FRMD4A: variants seen among roughly 807,000 people sequenced by gnomAD.
FRMD4A encodes FERM domain-containing protein 4A.
In FRMD4A, 29 loss-of-function variants were observed where a neutral mutation model predicts 129.1. That is an observed-to-expected ratio of 0.22 (90% CI 0.17 to 0.31). The LOEUF is 0.31. Among genes scored for constraint, FRMD4A ranks in the 10% least tolerant of loss-of-function variants. FRMD4A has a pLI of 1.00. For missense variants in FRMD4A, 1,272 were observed against 1,375.8 expected (o/e 0.92, Z 1.19); for synonymous variants, 634 against 571.6 (o/e 1.11, Z -1.56).
chr10:14,121,339 G>A (rs1441318021), intron 2 of FRMD4A, among the ~76,000 whole-genome samples: 1 of 152,300 alleles, frequency 6.6e-6, no homozygotes, highest in African/African-American at 2.4e-5. Flanking sequence ...CTGCACTCCA[G>A]CCTGGGCAGC....
At chr10:14,274,497 C>A (rs745900045) in intron 2 of FRMD4A, among the ~76,000 whole-genome samples, 3 of 152,042 alleles carry the variant, frequency 2.0e-5, no homozygotes, top group Admixed American at 2.0e-4. Context: ...TAGGAGATCT[C>A]GAAACTTGGG....
At chr10:14,110,924 T>C (rs946070987) in intron 2 of FRMD4A, among the ~76,000 whole-genome samples, 1 of 152,200 alleles carries the variant, frequency 6.6e-6, no homozygotes, top group Non-Finnish European at 1.5e-5. Context: ...CTTGAATTCT[T>C]GGGCTCAAGC....
intron 2 of FRMD4A, among the ~76,000 whole-genome samples, chr10:14,058,013 T>C (rs989288799): frequency 6.6e-5 from 10 of 152,224 alleles, no homozygotes; most frequent in African/African-American, 2.4e-4. Context: ...AAGTAATATA[T>C]AGTTACATGC....
At chr10:13,858,039 T>C (rs2094237656) in intron 3 of FRMD4A, among the ~76,000 whole-genome samples, 1 of 152,176 alleles carries the variant, frequency 6.6e-6, no homozygotes. Context: ...GTGATGCCAA[T>C]GTCAACTCAT....
intron 3 of FRMD4A, among the ~76,000 whole-genome samples, chr10:13,830,106 G>A (rs987252353): frequency 1.1e-4 from 17 of 152,116 alleles, no homozygotes; most frequent in Admixed American, 2.0e-4. Context: ...AGGAGATAAC[G>A]CGCTTTACAT....
At chr10:13,657,788 G>GGTTTTTT (rs113852356) in intron 21 of FRMD4A, among the ~76,000 whole-genome samples, 3 of 143,334 alleles carry the variant, frequency 2.1e-5, no homozygotes, top group Non-Finnish European at 3.0e-5. Flanking sequence ...CGATTTCTGG[G>GGTTTTTT]TTTTTTTTTT....
At chr10:14,108,529 C>T (rs1837703755) in intron 2 of FRMD4A, among the ~76,000 whole-genome samples, 1 of 152,202 alleles carries the variant, frequency 6.6e-6, no homozygotes, top group African/African-American at 2.4e-5. Context: ...GTGTATACAG[C>T]TTCACTATTT....
At chr10:13,766,231 A>T (rs2092283624) in intron 6 of FRMD4A, among the ~76,000 whole-genome samples, 1 of 152,226 alleles carries the variant, frequency 6.6e-6, no homozygotes, top group Admixed American at 6.5e-5. Context: ...AAAAATATCC[A>T]CAGGAAAGCA....
chr10:13,787,163 C>T (rs978026864), intron 5 of FRMD4A, among the ~76,000 whole-genome samples: 3 of 152,186 alleles, frequency 2.0e-5, no homozygotes, highest in Admixed American at 6.5e-5. Flanking sequence ...CACCTCCTCT[C>T]GACGGAAGTG....
At chr10:13,973,867 AT>A (rs1279009945) in intron 2 of FRMD4A, among the ~76,000 whole-genome samples, 1 of 146,730 alleles carries the variant, frequency 6.8e-6, no homozygotes, top group African/African-American at 2.7e-5. Flanking sequence ...AGCTAACTGC[AT>A]TGGTATTTTC....
At chr10:13,924,410 C>CT (rs71505010) in intron 2 of FRMD4A, among the ~76,000 whole-genome samples, 94,554 of 147,344 alleles carry the variant, frequency 0.64, 31,052 homozygotes, top group East Asian at 0.96. Context: ...CTTCTCGTTC[C>CT]TTTTTTTTTT....
chr10:14,261,945 C>CACACAA (rs1844817719), intron 2 of FRMD4A, among the ~76,000 whole-genome samples: 1 of 76,844 alleles, frequency 1.3e-5, no homozygotes, highest in Non-Finnish European at 2.8e-5. Flanking sequence ...ACACCAAACA[C>CACACAA]ACACACACAC....
At chr10:14,026,440 G>T (rs536265247) in intron 2 of FRMD4A, among the ~76,000 whole-genome samples, 6 of 152,268 alleles carry the variant, frequency 3.9e-5, no homozygotes, top group Non-Finnish European at 7.4e-5. Context: ...GTCCTAAATT[G>T]TACATGCATG....
chr10:13,940,261 T>C (rs2095281108), intron 2 of FRMD4A, among the ~76,000 whole-genome samples: 1 of 152,128 alleles, frequency 6.6e-6, no homozygotes, highest in Non-Finnish European at 1.5e-5. Flanking sequence ...GGTCACAGAT[T>C]GGCTTTTCCC....
intron 2 of FRMD4A, among the ~76,000 whole-genome samples, chr10:14,214,761 A>G (rs1335919777): frequency 1.3e-5 from 2 of 152,232 alleles, no homozygotes; most frequent in Non-Finnish European, 2.9e-5. Context: ...TCTCATGGGT[A>G]GAACAAAAAT....
chr10:14,226,116 T>A (rs1340439439), intron 2 of FRMD4A, among the ~76,000 whole-genome samples: 2 of 152,248 alleles, frequency 1.3e-5, no homozygotes, highest in African/African-American at 4.8e-5. Context: ...ATGTTTTTTT[T>A]AAATTTTAAA....
chr10:14,329,901 A>C (rs193151584), intron 2 of FRMD4A, among the ~76,000 whole-genome samples, 157 bp downstream of exon 2: 1 of 152,294 alleles, frequency 6.6e-6, no homozygotes, highest in Admixed American at 6.5e-5. Context: ...TGTCATGCTG[A>C]TACTCTGACC....
chr10:14,164,375 GT>G (rs1434647617), intron 2 of FRMD4A, among the ~76,000 whole-genome samples: 1 of 152,218 alleles, frequency 6.6e-6, no homozygotes, highest in African/African-American at 2.4e-5. Context: ...CTCCTCTCAT[GT>G]AGCTGGCAAT....
intron 2 of FRMD4A, among the ~76,000 whole-genome samples, chr10:14,009,691 A>C (rs2095674362): frequency 6.6e-6 from 1 of 152,190 alleles, no homozygotes. Context: ...GCAGACACAC[A>C]TCACGAGTCA....
Sources: allele counts gnomAD v4.1 joint callset (sites outside exome capture counted in the v4.1 genomes callset), GRCh38; gene constraint gnomAD v4.1.1; transcripts MANE v1.5; gene names NCBI Gene and HGNC (gene_info 2026-07-23, HGNC 2026-07-21).